The following NAV3 variants were observed in gnomAD, a reference collection of about 807,000 sequenced individuals.
The protein encoded by NAV3 is neuron navigator 3.
A neutral mutation model predicts 244.7 loss-of-function variants in NAV3; 87 were observed. The observed-to-expected ratio is 0.36, with a 90% confidence interval of 0.30 to 0.42. NAV3 has a LOEUF of 0.42. NAV3 is among the 20% of genes least tolerant of loss of function. The probability of loss-of-function intolerance (pLI) is 1.00; values close to 1 mark genes in which losing one functional copy is unlikely to be tolerated. For synonymous variants in NAV3, 1,126 were observed against 1,042.2 expected (o/e 1.08, Z -1.55); for missense variants, 2,663 against 2,893.3 (o/e 0.92, Z 1.83).
intron 2 of NAV3, among the ~76,000 whole-genome samples, chr12:77,797,530 T>C (rs1031350486): frequency 6.9e-5 from 10 of 144,918 alleles, no homozygotes; most frequent in Middle Eastern, 3.4e-3. Flanking sequence ...AAAAGTTTTT[T>C]TTTTTTTTTT....
intron 2 of NAV3, among the ~76,000 whole-genome samples, chr12:77,600,159 C>T (rs1228230765): frequency 8.6e-5 from 13 of 151,890 alleles, no homozygotes; most frequent in African/African-American, 3.1e-4. Flanking sequence ...TGTAAGTTTA[C>T]CTCAGGGAAT....
intron 11 of NAV3, among the ~76,000 whole-genome samples, chr12:78,057,820 C>T (rs1333604113): frequency 2.0e-5 from 3 of 152,190 alleles, no homozygotes; most frequent in Non-Finnish European, 4.4e-5. Context: ...TGGCTCTGGT[C>T]TACACTCAAC....
chr12:77,692,477 C>A (rs1175411297), intron 2 of NAV3, among the ~76,000 whole-genome samples: 1 of 151,914 alleles, frequency 6.6e-6, no homozygotes, highest in African/African-American at 2.4e-5. Context: ...ATAGGCTGTA[C>A]TAATGACTAA....
At chr12:77,849,813 C>T (rs1172975463) in intron 1 of NAV3, among the ~76,000 whole-genome samples, 5 of 152,116 alleles carry the variant, frequency 3.3e-5, no homozygotes, top group Admixed American at 1.3e-4. Context: ...CTACCTTGAG[C>T]GATGCTACCC....
intron 16 of NAV3, 34 bp from the exon 17 acceptor site, chr12:78,127,133 A>C (rs774622288): frequency 1.2e-6 from 2 of 1,606,914 alleles, no homozygotes; most frequent in South Asian, 2.2e-5. Context: ...TTTTGTTTAC[A>C]TTATGTCCTT....
At chr12:77,588,591 C>T (rs567236619) in intron 2 of NAV3, among the ~76,000 whole-genome samples, 1 of 152,110 alleles carries the variant, frequency 6.6e-6, no homozygotes, top group Non-Finnish European at 1.5e-5. Context: ...GTTTCAGGCA[C>T]CTTAAGTCCC....
intron 2 of NAV3, among the ~76,000 whole-genome samples, chr12:77,748,784 G>A (rs1029116280): frequency 6.6e-6 from 1 of 152,098 alleles, no homozygotes; most frequent in Non-Finnish European, 1.5e-5. Flanking sequence ...TTATAAATAA[G>A]TTCTAGAGAT....
At chr12:78,108,715 A>G (rs887196042) in intron 12 of NAV3, among the ~76,000 whole-genome samples, 1 of 152,122 alleles carries the variant, frequency 6.6e-6, no homozygotes, top group Non-Finnish European at 1.5e-5. Flanking sequence ...GATCACTGGG[A>G]CAATAAGGAA....
chr12:77,616,816 C>T (rs558746609), intron 2 of NAV3, among the ~76,000 whole-genome samples: 8 of 152,156 alleles, frequency 5.3e-5, no homozygotes, highest in African/African-American at 1.2e-4. Flanking sequence ...TTATTGCTAG[C>T]TGTGTAGGTG....
chr12:77,756,603 T>C (rs1400571024), intron 2 of NAV3, among the ~76,000 whole-genome samples: 2 of 152,198 alleles, frequency 1.3e-5, no homozygotes, highest in Non-Finnish European at 2.9e-5. Flanking sequence ...CTATATTTTA[T>C]GGCTAAAGGT....
chr12:77,877,398 A>G (rs1392655432), intron 1 of NAV3, among the ~76,000 whole-genome samples: 3 of 152,100 alleles, frequency 2.0e-5, no homozygotes, highest in African/African-American at 7.2e-5. Context: ...TTCTTTACCA[A>G]TTATTTCTAG....
rs2136565354 is a variant in NAV3 at position 78,006,677 on chromosome 12, G to A, written c.1139G>A (p.Gly380Glu). 1 of 1,614,114 alleles carries A rather than the reference G, an allele frequency of 6.2e-7. No individual in the cohort carries two copies. Among genetic ancestry groups the A allele is most frequent in the Non-Finnish European group, 8.5e-7 (1 of 1,180,032 alleles). The change falls in exon 8 of 40, where the codon GGA becomes GAA. Residue 380 changes from glycine (G) to glutamate (E), a missense_variant. Physicochemically the swap from Gly to Glu is moderately conservative, Grantham distance 98. This residue lies in a region of NAV3 where 1,521 missense variants were observed against 1,497.0 expected (regional missense o/e 1.02). Coordinates refer to ENST00000397909, the MANE Select transcript of NAV3 (RefSeq NM_001024383.2). ...VSEGVKTAPS[G>E]QKSMLEKFKL... ...GAAGGGGTCAAAACTGCTCCCTCAG[G>A]ACAGAAATCCATGCTTGAGAAATTC... is the stretch of plus-strand genomic sequence containing the variant.
intron 3 of NAV3, among the ~76,000 whole-genome samples, chr12:77,960,117 C>T (rs1035476127): frequency 7.2e-5 from 11 of 151,758 alleles, no homozygotes; most frequent in African/African-American, 1.7e-4. Flanking sequence ...AGAAGAGAGA[C>T]ATCAGCTCCC....
At chr12:77,877,321 A>G (rs1474622319) in intron 1 of NAV3, among the ~76,000 whole-genome samples, 2 of 152,094 alleles carry the variant, frequency 1.3e-5, no homozygotes, top group Non-Finnish European at 2.9e-5. Context: ...AATAATTTCA[A>G]TGGGCTTTGC....
intron 2 of NAV3, among the ~76,000 whole-genome samples, chr12:77,648,230 G>A (rs1041481936): frequency 2.0e-5 from 3 of 152,080 alleles, no homozygotes; most frequent in Admixed American, 6.6e-5. Flanking sequence ...TTGTCAAACA[G>A]TCTGATCCTG....
chr12:78,022,190 C>T (rs1877265119), intron 9 of NAV3, among the ~76,000 whole-genome samples: 1 of 152,114 alleles, frequency 6.6e-6, no homozygotes, highest in South Asian at 2.1e-4. Flanking sequence ...TTCTCCATGG[C>T]TAATGCAGCC....
intron 38 of NAV3, among the ~76,000 whole-genome samples, chr12:78,201,268 C>G (rs534778591): frequency 6.6e-6 from 1 of 151,702 alleles, no homozygotes; most frequent in African/African-American, 2.4e-5. Context: ...GACATGGTCT[C>G]GCTAGGTTGC....
intron 19 of NAV3, among the ~76,000 whole-genome samples, chr12:78,139,184 T>C (rs1593749741): frequency 2.0e-5 from 3 of 152,266 alleles, no homozygotes. Flanking sequence ...CTGGGGGTTC[T>C]TCTTTATTCC....
At chr12:77,814,717 A>G (rs1872460058) in intron 2 of NAV3, among the ~76,000 whole-genome samples, 1 of 152,104 alleles carries the variant, frequency 6.6e-6, no homozygotes, top group Non-Finnish European at 1.5e-5. Flanking sequence ...TTAAAAACCA[A>G]CAACAAGCAA....
Sources: gnomAD v4.1 joint callset for allele counts (sites outside exome capture counted in the v4.1 genomes callset) on GRCh38, gnomAD v4.1.1 for gene constraint, gnomAD v4.1.1 regional missense constraint, MANE v1.5 for transcripts, NCBI Gene and HGNC (gene_info 2026-07-23, HGNC 2026-07-21) for gene names.